The following MAGI2 variants were observed in gnomAD, a reference collection of about 807,000 sequenced individuals.
MAGI2 encodes membrane associated guanylate kinase, WW and PDZ domain containing 2.
Under a neutral mutation model 133.3 loss-of-function variants are expected in MAGI2, and 35 were observed. The observed-to-expected ratio is 0.26, with a 90% CI of 0.20 to 0.35. The LOEUF (loss-of-function observed/expected upper bound fraction) is 0.35. Among genes scored for constraint, MAGI2 ranks in the 10% least tolerant of loss-of-function variants. MAGI2 has a pLI of 1.00. For synonymous variants in MAGI2, 729 were observed against 710.6 expected (o/e 1.03, Z -0.41); for missense variants, 1,636 against 1,863.4 (o/e 0.88, Z 2.25).
At chr7:79,005,524 A>G (rs543497261) in intron 2 of MAGI2, among the ~76,000 whole-genome samples, 1 of 152,290 alleles carries the variant, frequency 6.6e-6, no homozygotes, top group Non-Finnish European at 1.5e-5. Context: ...TACTCCTATT[A>G]TCTTCATATT....
chr7:78,766,067 C>T (rs148511801), intron 2 of MAGI2, among the ~76,000 whole-genome samples: 184 of 152,266 alleles, frequency 1.2e-3, no homozygotes, highest in African/African-American at 4.3e-3. Flanking sequence ...TTCCTTAGCT[C>T]GGCATTTGAG....
At chr7:79,293,702 TC>T (rs1242605210) in intron 1 of MAGI2, among the ~76,000 whole-genome samples, 1 of 152,204 alleles carries the variant, frequency 6.6e-6, no homozygotes, top group Non-Finnish European at 1.5e-5. Context: ...TTAGCCAAAA[TC>T]ACTGGTCAAG....
intron 1 of MAGI2, among the ~76,000 whole-genome samples, chr7:79,359,877 C>A (rs779864057): frequency 9.5e-4 from 144 of 152,246 alleles, no homozygotes; most frequent in Middle Eastern, 3.4e-3. Flanking sequence ...AAGAAAAGTG[C>A]AGCTCACTGT....
intron 3 of MAGI2, among the ~76,000 whole-genome samples, chr7:78,572,010 G>C (rs2150771139): frequency 6.6e-6 from 1 of 152,166 alleles, no homozygotes; most frequent in African/African-American, 2.4e-5. Flanking sequence ...AAAACATTTG[G>C]AAGTGTATAT....
At chr7:78,565,083 C>T (rs185494153) in intron 3 of MAGI2, among the ~76,000 whole-genome samples, 246 of 151,730 alleles carry the variant, frequency 1.6e-3, no homozygotes, top group African/African-American at 5.9e-3. Context: ...GTGAGCACCG[C>T]GCCCGGCCTC....
chr7:79,227,338 T>C (rs533847178), intron 1 of MAGI2, among the ~76,000 whole-genome samples: 4 of 152,274 alleles, frequency 2.6e-5, no homozygotes, highest in Admixed American at 2.0e-4. Context: ...CGGAGTGTTG[T>C]TGTCTTACTC....
At chr7:78,361,430 C>CT (rs1792796444) in intron 7 of MAGI2, among the ~76,000 whole-genome samples, 1 of 151,470 alleles carries the variant, frequency 6.6e-6, no homozygotes, top group African/African-American at 2.4e-5. Flanking sequence ...TACAACCCCC[C>CT]TCCCCCCCAC....
chr7:78,732,261 T>A (rs1821437198), intron 2 of MAGI2, among the ~76,000 whole-genome samples: 1 of 152,108 alleles, frequency 6.6e-6, no homozygotes, highest in African/African-American at 2.4e-5. Context: ...ATGGCCTATA[T>A]TTCATCACCT....
chr7:78,516,035 G>A (rs563376967), intron 4 of MAGI2, among the ~76,000 whole-genome samples: 1 of 152,292 alleles, frequency 6.6e-6, no homozygotes, highest in African/African-American at 2.4e-5. Flanking sequence ...TTGTATTACT[G>A]TCATTCAGAG....
chr7:78,597,065 T>C (rs1804683906), intron 3 of MAGI2, among the ~76,000 whole-genome samples: 1 of 152,176 alleles, frequency 6.6e-6, no homozygotes, highest in East Asian at 1.9e-4. Flanking sequence ...AAATGGCTAT[T>C]AGGATGCAAT....
chr7:78,711,364 G>C (rs910156255), intron 2 of MAGI2, among the ~76,000 whole-genome samples: 1 of 152,122 alleles, frequency 6.6e-6, no homozygotes, highest in Non-Finnish European at 1.5e-5. Context: ...GTTGCAGAGA[G>C]GAGGGATGTT....
chr7:78,813,899 T>A (rs994414654), intron 2 of MAGI2, among the ~76,000 whole-genome samples: 1 of 151,652 alleles, frequency 6.6e-6, no homozygotes, highest in African/African-American at 2.4e-5. Context: ...GTACAACACC[T>A]ACAGCTAACA....
At chr7:79,390,946 AG>A (rs1844554974) in intron 1 of MAGI2, among the ~76,000 whole-genome samples, 2 of 152,174 alleles carry the variant, frequency 1.3e-5, no homozygotes, top group African/African-American at 4.8e-5. Flanking sequence ...CTCATGGCCC[AG>A]AATAAACAGC....
At chr7:78,804,613 G>T (rs1788361763) in intron 2 of MAGI2, among the ~76,000 whole-genome samples, 1 of 151,766 alleles carries the variant, frequency 6.6e-6, no homozygotes, top group East Asian at 1.9e-4. Flanking sequence ...GCCGGGCATG[G>T]TGGCGGGCGC....
rs112962395 is a variant in MAGI2 at position 78,984,875 on chromosome 7, A to AC, written c.418+22214dup. Among the ~76,000 whole-genome samples the AC allele has an allele frequency of 3.1e-3, 464 of 152,112 alleles. 2 individuals carry two copies. Among genetic ancestry groups the AC allele is most frequent in the African/African-American group, 0.01 (435 of 41,530 alleles). On this transcript the variant is annotated intron_variant, in intron 2 of 21. Coordinates refer to ENST00000354212, the MANE Select transcript of MAGI2 (RefSeq NM_012301.4). ...TTTCATATGCTTTGTTAATTGCTTT[A>AC]CCTCCAGTACCTAGAATAATGTTTG...
At chr7:78,401,328 A>G (rs1299142188) in intron 6 of MAGI2, among the ~76,000 whole-genome samples, 3 of 152,196 alleles carry the variant, frequency 2.0e-5, no homozygotes, top group African/African-American at 7.2e-5. Flanking sequence ...TGAGGATTGC[A>G]ATCTTTCAAC....
At chr7:78,678,820 G>A (rs1815326914) in intron 2 of MAGI2, among the ~76,000 whole-genome samples, 1 of 151,812 alleles carries the variant, frequency 6.6e-6, no homozygotes, top group African/African-American at 2.4e-5. Flanking sequence ...AAATGGCAGG[G>A]GTGTTTTCAT....
At chr7:79,206,336 C>A (rs575581770) in intron 1 of MAGI2, among the ~76,000 whole-genome samples, 1 of 151,018 alleles carries the variant, frequency 6.6e-6, no homozygotes, top group African/African-American at 2.4e-5. Context: ...CATTAGTTAA[C>A]CTAAGAGAAA....
At chr7:78,627,301 A>C in intron 2 of MAGI2, 62 bp from the exon 3 acceptor site, 1 of 1,378,084 alleles carries the variant, frequency 7.3e-7, no homozygotes. Context: ...GAACTTTAGA[A>C]ATACCACCAT....
Sources: gnomAD v4.1 joint callset for allele counts (sites outside exome capture counted in the v4.1 genomes callset) on GRCh38, gnomAD v4.1.1 for gene constraint, MANE v1.5 for transcripts, NCBI Gene and HGNC (gene_info 2026-07-23, HGNC 2026-07-21) for gene names.